The following CA10 variants were observed in gnomAD, a reference collection of about 807,000 sequenced individuals.
CA10 encodes carbonic anhydrase 10 (inactive).
Under a neutral mutation model 44.2 loss-of-function variants are expected in CA10, and 14 were observed. That is an observed-to-expected ratio of 0.32 (90% CI 0.21 to 0.50). The LOEUF is 0.50. Among genes scored for constraint, CA10 ranks in the 20% least tolerant of loss-of-function variants. CA10 has a pLI of 0.99. For missense variants in CA10, 350 were observed against 409.7 expected, an observed-to-expected ratio of 0.85 and a Z score of 1.26; for synonymous variants, 159 against 141.6, an observed-to-expected ratio of 1.12 and a Z score of -0.87.
intron 3 of CA10, among the ~76,000 whole-genome samples, chr17:51,812,136 C>A (rs1907393014): frequency 6.6e-6 from 1 of 152,172 alleles, no homozygotes; most frequent in Admixed American, 6.5e-5. Flanking sequence ...TATGCGGAAG[C>A]CCACCTGTAC....
intron 4 of CA10, among the ~76,000 whole-genome samples, chr17:51,716,795 G>A (rs150059650): frequency 1.3e-5 from 2 of 152,232 alleles, no homozygotes; most frequent in African/African-American, 4.8e-5. Flanking sequence ...TCAATCTTAA[G>A]ACCTATTACT....
At chr17:51,907,914 C>T (rs907522439) in intron 3 of CA10, among the ~76,000 whole-genome samples, 1 of 152,140 alleles carries the variant, frequency 6.6e-6, no homozygotes, top group Non-Finnish European at 1.5e-5. Flanking sequence ...TCTGTAAAAC[C>T]TTCATGAAAA....
chr17:52,019,252 T>G (rs747014937), intron 2 of CA10, among the ~76,000 whole-genome samples: 1 of 152,158 alleles, frequency 6.6e-6, no homozygotes, highest in African/African-American at 2.4e-5. Flanking sequence ...GGTTTAAAAT[T>G]AGGGTAAAGA....
intron 4 of CA10, among the ~76,000 whole-genome samples, chr17:51,710,263 A>G (rs1486557563): frequency 6.6e-6 from 1 of 152,202 alleles, no homozygotes; most frequent in Non-Finnish European, 1.5e-5. Context: ...GGAGGGACCA[A>G]AGTCAGCTTG....
intron 4 of CA10, among the ~76,000 whole-genome samples, chr17:51,702,646 C>T (rs974890595): frequency 6.6e-6 from 1 of 152,182 alleles, no homozygotes; most frequent in African/African-American, 2.4e-5. Flanking sequence ...CACTGACTCC[C>T]ATACCTCTGG....
At chr17:51,654,725 T>A (rs1185132880) in intron 4 of CA10, among the ~76,000 whole-genome samples, 3 of 151,968 alleles carry the variant, frequency 2.0e-5, no homozygotes, top group African/African-American at 7.3e-5. Context: ...CCAGGCTAAT[T>A]TTTTGTATTT....
rs577204234 is a variant in CA10 at position 52,053,042 on chromosome 17, C to G, written c.136+19277G>C. Among the ~76,000 whole-genome samples, 6 of 152,050 alleles carry G rather than the reference C, an allele frequency of 3.9e-5. No individual in the cohort carries two copies. In the East Asian group the frequency reaches 1.2e-3, roughly 29 times the overall value. On this transcript the variant is annotated intron_variant, in intron 2 of 8. Transcript: ENST00000451037. ...CCAAACCAAGGTAACTTCAGAACCA[C>G]ACAGCTGACACAGAAATGAAAAAAT... is the stretch of plus-strand genomic sequence containing the variant.
At chr17:51,908,704 C>G (rs1240362861) in intron 3 of CA10, among the ~76,000 whole-genome samples, 1 of 152,132 alleles carries the variant, frequency 6.6e-6, no homozygotes, top group African/African-American at 2.4e-5. Context: ...AAACACAAAT[C>G]CAGTTACTAA....
At chr17:51,941,331 G>A (rs756235604) in intron 2 of CA10, among the ~76,000 whole-genome samples, 6 of 152,174 alleles carry the variant, frequency 3.9e-5, no homozygotes, top group Non-Finnish European at 7.4e-5. Flanking sequence ...AGGCATAAAA[G>A]ACAGTCTGGT....
intron 3 of CA10, among the ~76,000 whole-genome samples, chr17:51,821,047 C>T (rs1417369555): frequency 3.7e-5 from 4 of 109,020 alleles, no homozygotes; most frequent in African/African-American, 1.5e-4. Context: ...CTCCCTCCCT[C>T]CCTCCCTCCC....
intron 2 of CA10, among the ~76,000 whole-genome samples, chr17:52,052,303 A>ATTTT (rs757680345): frequency 2.9e-4 from 35 of 119,820 alleles, no homozygotes; most frequent in South Asian, 1.0e-3. Flanking sequence ...TTTTTTTAAA[A>ATTTT]AAAAAAAAAA....
chr17:51,761,418 A>G (rs1156707280), intron 3 of CA10: 1 of 152,210 alleles, frequency 6.6e-6, no homozygotes, highest in Non-Finnish European at 1.5e-5. Flanking sequence ...CCCATTATCT[A>G]AATTATAAAC....
intron 5 of CA10, among the ~76,000 whole-genome samples, chr17:51,650,781 G>T (rs142918976): frequency 2.1e-3 from 321 of 152,328 alleles, no homozygotes; most frequent in African/African-American, 7.5e-3. Context: ...GGTACCTGGT[G>T]AGTCTGGTCA....
intron 4 of CA10, among the ~76,000 whole-genome samples, chr17:51,709,783 G>A (rs1054188339): frequency 4.6e-5 from 7 of 152,166 alleles, no homozygotes; most frequent in Admixed American, 2.0e-4. Flanking sequence ...GATTATATTC[G>A]CTTAGGTGAG....
rs144132049 is a variant in CA10 at position 51,648,099 on chromosome 17, A to G, written c.634+1083T>C. Among the ~76,000 whole-genome samples, 560 of 152,358 alleles carry G rather than the reference A, an allele frequency of 3.7e-3. 4 individuals are homozygous for G. Among genetic ancestry groups the G allele is most frequent in the African/African-American group, 0.012 (514 of 41,576 alleles). ...CAGGCATGCAGGAAATGTTTGTCGA[A>G]TAAGTGAGTAAACGGCTGAGTGAAG... On this transcript the variant is annotated intron_variant, in intron 6 of 8. Coordinates refer to ENST00000451037, the MANE Select transcript of CA10 (RefSeq NM_020178.5).
At chr17:51,670,024 A>C (rs150448915) in intron 4 of CA10, among the ~76,000 whole-genome samples, 9 of 152,270 alleles carry the variant, frequency 5.9e-5, no homozygotes, top group African/African-American at 2.2e-4. Context: ...TATCAGGGGA[A>C]ACCCCTTTCA....
intron 3 of CA10, among the ~76,000 whole-genome samples, chr17:51,823,753 T>C (rs1411979685): frequency 1.3e-5 from 2 of 152,202 alleles, no homozygotes; most frequent in African/African-American, 2.4e-5. Flanking sequence ...GCTTCATAGG[T>C]AGCAGCATAG....
chr17:51,649,158 T>C, intron 6 of CA10, 24 bp downstream of exon 6: 1 of 1,555,762 alleles, frequency 6.4e-7, no homozygotes, highest in Non-Finnish European at 8.9e-7. Flanking sequence ...ATAGTTGCTG[T>C]GGAGGAAATT....
intron 4 of CA10, among the ~76,000 whole-genome samples, chr17:51,744,450 C>G (rs1904591033): frequency 6.6e-6 from 1 of 152,020 alleles, no homozygotes; most frequent in South Asian, 2.1e-4. Flanking sequence ...CTTAATAACT[C>G]CAGTAATGGG....
Sources: allele counts gnomAD v4.1 joint callset (sites outside exome capture counted in the v4.1 genomes callset), GRCh38; gene constraint gnomAD v4.1.1; transcripts MANE v1.5; gene names NCBI Gene and HGNC (gene_info 2026-07-23, HGNC 2026-07-21).